The following RP1L1 variants were observed in gnomAD, a reference collection of about 807,000 sequenced individuals.
The protein encoded by RP1L1 is RP1 like 1.
In RP1L1, 27 loss-of-function variants were observed where a neutral mutation model predicts 15.7. That is an observed-to-expected ratio of 1.72 (90% CI 1.27 to 2.38). The LOEUF is 2.38. Ranked by LOEUF, RP1L1 falls within the 30% of genes most tolerant of loss-of-function variation. The probability of loss-of-function intolerance (pLI) is 0.00; values close to 1 mark genes in which losing one functional copy is unlikely to be tolerated. For missense variants in RP1L1, 4,798 were observed against 3,075.9 expected (o/e 1.56, Z -13.24); for synonymous variants, 1,813 against 1,276.7 (o/e 1.42, Z -8.96).
chr8:10,650,759 G>C (rs953504828), intron 1 of RP1L1, among the ~76,000 whole-genome samples: 1 of 152,028 alleles, frequency 6.6e-6, no homozygotes, highest in Non-Finnish European at 1.5e-5. Flanking sequence ...TGGAGACATG[G>C]TTTTGCCATG....
In RP1L1 at chr8:10,609,625, C is replaced by A; in HGVS notation, c.4473G>T (p.Thr1491=). The A allele has an allele frequency of 1.9e-6, 3 of 1,607,778 alleles. No individual in the cohort carries two copies. The highest frequency in any genetic ancestry group is 2.5e-6 in the Non-Finnish European group (3 of 1,179,960). The change falls in exon 4 of 4, where the codon ACG becomes ACT. Residue 1491 remains threonine (T), a synonymous_variant. Transcript: ENST00000382483. Reference sequence around the variant, plus strand: ...CAGCCCCCTGGGTGGGTTGGGCCTGCGTGTGCTCTTGGCCCATCATGGTGG... The same window carrying A: ...CAGCCCCCTGGGTGGGTTGGGCCTGAGTGTGCTCTTGGCCCATCATGGTGG... The part of the protein sequence containing the change: ...PGATMMGQEH[T]QAQPTQGAAE...
chr8:10,633,506 T>C (rs1179985480), intron 1 of RP1L1, among the ~76,000 whole-genome samples: 1 of 152,190 alleles, frequency 6.6e-6, no homozygotes, highest in Non-Finnish European at 1.5e-5. Flanking sequence ...CCGTGCAACC[T>C]GGAGCATGCT....
chr8:10,653,256 G>T (rs1031699117), intron 1 of RP1L1, among the ~76,000 whole-genome samples: 6 of 152,168 alleles, frequency 3.9e-5, no homozygotes, highest in East Asian at 1.9e-4. Flanking sequence ...ATTTAACTTG[G>T]AGCTGAGAAA....
intron 1 of RP1L1, among the ~76,000 whole-genome samples, chr8:10,628,620 T>C (rs1798194134): frequency 6.6e-6 from 1 of 152,132 alleles, no homozygotes; most frequent in Non-Finnish European, 1.5e-5. Flanking sequence ...CCCGGTGGTA[T>C]GACTTCAAAA....
chr8:10,633,300 T>C (rs1214626058), intron 1 of RP1L1, among the ~76,000 whole-genome samples: 1 of 152,248 alleles, frequency 6.6e-6, no homozygotes, highest in South Asian at 2.1e-4. Context: ...CTCCCACTAG[T>C]GCCCCCATTG....
In RP1L1 at chr8:10,607,640, G is replaced by C; in HGVS notation, c.6458C>G (p.Ala2153Gly). The change falls in exon 4 of 4, where the codon GCA becomes GGA. Residue 2153 changes from alanine (A) to glycine (G), a missense_variant. Coordinates refer to ENST00000382483, the MANE Select transcript of RP1L1 (RefSeq NM_178857.6). ...TGACTCTGGCTGGGCCTCCCCTTCT[G>C]CATCCTGGGCCTCTACACCTTCTGA... is the stretch of plus-strand genomic sequence containing the variant. ...PESEGVEAQD[A>G]EGEAQPESEG... 6.3e-7 allele frequency: 1 copy of C among 1,593,446 alleles called. No individual in the cohort carries two copies. The highest frequency in any genetic ancestry group is 1.7e-5 in the Admixed American group (1 of 57,782).
At chr8:10,644,944 C>A (rs1023501585) in intron 1 of RP1L1, among the ~76,000 whole-genome samples, 1 of 152,272 alleles carries the variant, frequency 6.6e-6, no homozygotes, top group South Asian at 2.1e-4. Flanking sequence ...CAGTAACAAC[C>A]AGTTTGACTG....
chr8:10,621,635 T>A, intron 2 of RP1L1: 2 of 450,584 alleles, frequency 4.4e-6, no homozygotes, highest in South Asian at 1.6e-5. Context: ...GATATGATAT[T>A]TATGAAGTAT....
intron 2 of RP1L1, among the ~76,000 whole-genome samples, chr8:10,621,976 T>A (rs1416308485): frequency 1.3e-5 from 2 of 152,116 alleles, no homozygotes; most frequent in Non-Finnish European, 1.5e-5. Flanking sequence ...AGTAGTTTGT[T>A]TCCTACACTG....
intron 1 of RP1L1, among the ~76,000 whole-genome samples, chr8:10,637,084 A>G (rs1798340700): frequency 6.6e-6 from 1 of 152,192 alleles, no homozygotes; most frequent in Admixed American, 6.5e-5. Flanking sequence ...ACAGGCTGAG[A>G]TTTAGAGAAA....
At chr8:10,638,207 G>T (rs1378678641) in intron 1 of RP1L1, among the ~76,000 whole-genome samples, 1 of 152,240 alleles carries the variant, frequency 6.6e-6, no homozygotes, top group Non-Finnish European at 1.5e-5. Flanking sequence ...CGATATGCTT[G>T]CCCATGCAAA....
intron 1 of RP1L1, among the ~76,000 whole-genome samples, chr8:10,642,840 A>C (rs570710686): frequency 1.3e-5 from 2 of 152,356 alleles, no homozygotes; most frequent in Admixed American, 6.5e-5. Context: ...GGAGAAACTT[A>C]AAAAATAATA....
rs1798580360 is a variant in RP1L1 at position 10,652,681 on chromosome 8, AC to A, written c.-20+2216del. ...CCTTCTGTATTGAAGAAAAAAAAAAACCTTTCAAAGTAGCCCACATCTGAAC... is the reference window on the plus strand; with the variant it reads ...CCTTCTGTATTGAAGAAAAAAAAAAACTTTCAAAGTAGCCCACATCTGAAC... On this transcript the variant is annotated intron_variant, in intron 1 of 3. Transcript: ENST00000382483. Among the ~76,000 whole-genome samples, 7 of 151,538 alleles carry A rather than the reference AC, an allele frequency of 4.6e-5. No homozygotes were observed. The South Asian group carries it at 1.5e-3, about 32-fold the overall frequency.
intron 2 of RP1L1, chr8:10,621,762 T>A: frequency 2.0e-6 from 1 of 508,350 alleles, no homozygotes; most frequent in South Asian, 1.4e-5. Context: ...GAATTTCATG[T>A]CCGGCAGAAC....
rs202110937 is a variant in RP1L1 at position 10,608,953 on chromosome 8, C to T, written c.5145G>A (p.Thr1715=). The change falls in exon 4 of 4, where the codon ACG becomes ACA. Residue 1715 remains threonine, a synonymous_variant. Transcript: ENST00000382483. ...GGACAGTCCTAGTGCTCGTGGGGTCCGTGTGGGTCTTGCCAGGGGCCACCT... is the reference window on the plus strand; with the variant it reads ...GGACAGTCCTAGTGCTCGTGGGGTCTGTGTGGGTCTTGCCAGGGGCCACCT... ...AAEVAPGKTH[T]DPTSTRTVQG... 113 of 1,613,842 alleles carry T rather than the reference C, an allele frequency of 7.0e-5. No individual in the cohort carries two copies. The African/African-American group carries it at 7.9e-4, about 11-fold the overall frequency.
rs752964746 is a variant in RP1L1, at chr8:10,609,421, C to T, written c.4677G>A (p.Glu1559=). ...GGCGTTGGGCCACGTCCTGCTGCAG[C>T]TCGGCCGCCATCTGGTCCAGCAGAT... ...DNDLLDQMAA[E]LQQDVAQRLQ... The change falls in exon 4 of 4, where the codon GAG becomes GAA. Residue 1559 remains glutamate (E), a synonymous_variant. Coordinates refer to ENST00000382483, the MANE Select transcript of RP1L1 (RefSeq NM_178857.6). The T allele has an allele frequency of 1.9e-6, 3 of 1,612,324 alleles. No individual in the cohort carries two copies. The South Asian group carries it at 3.3e-5, about 18-fold the overall frequency.
chr8:10,607,152 T>G lies in RP1L1; in HGVS notation c.6946A>C (p.Asn2316His). ...CTTGTGTCTCCAAGTACATGGTCAT[T>G]TTCTGAGTCTTTCTGCCAGCAGTTG... is the stretch of plus-strand genomic sequence containing the variant. ...WGNCWQKDSE[N>H]DHVLGDTRSP... Residue 2316 changes from asparagine to histidine, a missense_variant, in exon 4 of 4, where the codon AAT (asparagine) becomes CAT (histidine). Asn to His is a moderately conservative substitution (Grantham distance 68). Coordinates refer to ENST00000382483, the MANE Select transcript of RP1L1 (RefSeq NM_178857.6). The G allele has an allele frequency of 1.2e-6, 2 of 1,614,182 alleles. No homozygotes were observed. The highest frequency in any genetic ancestry group is 1.7e-6 in the Non-Finnish European group (2 of 1,180,020).
At chr8:10,638,909 T>C (rs1270247085) in intron 1 of RP1L1, among the ~76,000 whole-genome samples, 1 of 151,852 alleles carries the variant, frequency 6.6e-6, no homozygotes, top group East Asian at 1.9e-4. Flanking sequence ...CTTTGGGCGG[T>C]TGAAGCCAGC....
Position 10,611,528 on chromosome 8 carries a change from G to C in RP1L1, c.2570C>G (p.Pro857Arg), listed in dbSNP as rs1166279274. The change falls in exon 4 of 4, where the codon CCC (proline) becomes CGC (arginine). Residue 857 changes from proline (P) to arginine (R), a missense_variant. Pro to Arg is a moderately radical substitution (Grantham distance 103, BLOSUM62 -2). Transcript: ENST00000382483. ...WLCGRYCPTPPRGRPCPQRRS... is the reference protein window; with the variant it reads ...WLCGRYCPTPRRGRPCPQRRS... ...CCTCTGGGGGCAGGGCCGCCCCCTG[G>C]GCGGGGTGGGACAGTACCTGCCACA... 3 of 1,585,194 alleles carry C rather than the reference G, an allele frequency of 1.9e-6. No individual in the cohort carries two copies. The highest frequency in any genetic ancestry group is 2.7e-5 in the African/African-American group (2 of 74,552).
Sources: gnomAD v4.1 joint callset for allele counts (sites outside exome capture counted in the v4.1 genomes callset) on GRCh38, gnomAD v4.1.1 for gene constraint, MANE v1.5 for transcripts, NCBI Gene and HGNC (gene_info 2026-07-23, HGNC 2026-07-21) for gene names.